PCDH15: variants seen among roughly 807,000 people sequenced by gnomAD.
PCDH15 encodes the protein protocadherin-15.
Under a neutral mutation model 178.5 loss-of-function variants are expected in PCDH15, and 129 were observed. The observed-to-expected ratio is 0.72, with a 90% CI of 0.63 to 0.84. PCDH15 has a LOEUF of 0.84. Ranked by LOEUF, PCDH15 falls within the 40% of genes least tolerant of loss-of-function variation. PCDH15 has a pLI of 0.00. For synonymous variants in PCDH15, 800 were observed against 732.0 expected (o/e 1.09, Z -1.50); for missense variants, 2,230 against 2,099.9 (o/e 1.06, Z -1.21).
intron 2 of PCDH15, among the ~76,000 whole-genome samples, chr10:55,333,790 T>A (rs1307034671): frequency 6.6e-6 from 1 of 151,648 alleles, no homozygotes; most frequent in Non-Finnish European, 1.5e-5. Flanking sequence ...TTTTTCTTAA[T>A]AAAAATTTCA....
chr10:54,902,933 G>A (rs1484221019), intron 2 of PCDH15, among the ~76,000 whole-genome samples: 1 of 152,104 alleles, frequency 6.6e-6, no homozygotes, highest in South Asian at 2.1e-4. Flanking sequence ...ATCTCCTCGG[G>A]TTACAGGTTT....
intron 18 of PCDH15, among the ~76,000 whole-genome samples, chr10:54,054,566 T>C (rs1193597822): frequency 6.6e-6 from 1 of 151,740 alleles, no homozygotes; most frequent in African/African-American, 2.4e-5. Flanking sequence ...TATTTACACA[T>C]ACACACACAC....
chr10:55,388,756 T>C lies in PCDH15; in HGVS notation c.-155-222105A>G, dbSNP rs530547746. Among the ~76,000 whole-genome samples the C allele has an allele frequency of 1.9e-3, 289 of 152,238 alleles. 1 individual carries two copies. The highest frequency in any genetic ancestry group is 3.4e-3 in the Admixed American group (52 of 15,250). ...AAATCCACATATACTGTGGTGCACT[T>C]AATTTTTATGGAATATCAACCAGTT... On this transcript the variant is annotated intron_variant, in intron 2 of 5. Transcript: ENST00000613346.
rs370558140 is a variant in PCDH15 at position 54,516,338 on chromosome 10, G to A, written c.157+11474C>T. On this transcript the variant is annotated intron_variant, in intron 3 of 37. Coordinates refer to ENST00000644397, the MANE Select transcript of PCDH15 (RefSeq NM_001384140.1). ...AAAAAATTAGATGAATGTATAACTA[G>A]AATAACAAATGCAGAGAAGTGCTTA... Among the ~76,000 whole-genome samples the A allele has an allele frequency of 2.0e-4, 30 of 152,170 alleles. No individual in the cohort carries two copies. In the South Asian group the frequency reaches 6.2e-3, roughly 32 times the overall value.
chr10:55,179,261 C>T (rs1839576695), intron 1 of PCDH15, among the ~76,000 whole-genome samples: 1 of 152,064 alleles, frequency 6.6e-6, no homozygotes, highest in South Asian at 2.1e-4. Flanking sequence ...CAGTCATTGT[C>T]CCTATCCTAA....
chr10:55,575,702 T>C (rs1404706846), intron 2 of PCDH15: 2 of 152,176 alleles, frequency 1.3e-5, no homozygotes, highest in African/African-American at 4.8e-5. Context: ...CAAGATGCTA[T>C]TGTCATTTTC....
chr10:54,673,398 T>C (rs971594254), intron 1 of PCDH15, among the ~76,000 whole-genome samples: 1 of 152,100 alleles, frequency 6.6e-6, no homozygotes, highest in Admixed American at 6.6e-5. Context: ...TCATTTTTAT[T>C]AGATATAGTT....
intron 2 of PCDH15, among the ~76,000 whole-genome samples, chr10:55,547,571 A>G (rs1358182494): frequency 1.3e-5 from 2 of 151,048 alleles, no homozygotes; most frequent in African/African-American, 2.5e-5. Context: ...TCAATTCTGT[A>G]TGGCTAAAGT....
At chr10:54,635,228 G>C (rs2093817220) in intron 2 of PCDH15, among the ~76,000 whole-genome samples, 1 of 150,782 alleles carries the variant, frequency 6.6e-6, no homozygotes, top group African/African-American at 2.4e-5. Context: ...TCTTGACTCA[G>C]TCAAGTCAAA....
Position 54,643,934 on chromosome 10 carries a change from C to G in PCDH15, c.91+20238G>C, listed in dbSNP as rs559915262. On this transcript the variant is annotated intron_variant, in intron 2 of 37. Coordinates refer to ENST00000644397, the MANE Select transcript of PCDH15 (RefSeq NM_001384140.1). ...CTGCACCCATTAACTCGTCACTTAGCATTAGGTATATCTCCTAATGCTAAC... is the reference window on the plus strand; with the variant it reads ...CTGCACCCATTAACTCGTCACTTAGGATTAGGTATATCTCCTAATGCTAAC... 6.7e-3 allele frequency among the ~76,000 whole-genome samples: 996 copies of G among 148,190 alleles called. 10 individuals are homozygous for G. Among genetic ancestry groups the G allele is most frequent in the African/African-American group, 0.022 (893 of 40,402 alleles).
rs1365902121 is a variant in PCDH15 at position 54,242,181 on chromosome 10, TATATATAC to T, written c.877-5258_877-5251del. Among the ~76,000 whole-genome samples the T allele has an allele frequency of 1.2e-3, 100 of 82,850 alleles. 2 individuals are homozygous for T. The highest frequency in any genetic ancestry group is 2.9e-3 in the African/African-American group (52 of 17,728). The allele number at this position is 82,850 out of a possible 152,430, so 54.4% of individuals were successfully genotyped here. A position where few individuals can be genotyped will look rare whatever the true frequency, so the allele number is the denominator to read the frequency against. On this transcript the variant is annotated intron_variant, in intron 8 of 37. Coordinates refer to ENST00000644397, the MANE Select transcript of PCDH15 (RefSeq NM_001384140.1). ...ATATATATATATATATATATATATA[TATATATAC>T]ACACACACACATACATACATACACA...
intron 32 of PCDH15, chr10:53,821,768 A>G (rs2076282355): frequency 6.3e-7 from 1 of 1,578,960 alleles, no homozygotes; most frequent in Non-Finnish European, 8.5e-7. Flanking sequence ...GGGTAAAATA[A>G]TAGAGTCTTC....
intron 13 of PCDH15, among the ~76,000 whole-genome samples, chr10:54,155,657 A>G (rs1287765159): frequency 6.6e-6 from 1 of 151,916 alleles, no homozygotes; most frequent in African/African-American, 2.4e-5. Flanking sequence ...TCCATGTAAG[A>G]TCCCGAAAAC....
At chr10:54,935,659 C>T (rs1225448812) in intron 2 of PCDH15, among the ~76,000 whole-genome samples, 18 of 152,202 alleles carry the variant, frequency 1.2e-4, no homozygotes, top group African/African-American at 4.3e-4. Flanking sequence ...TACTCACATA[C>T]TCAGTTCCTG....
rs1564972956 is a variant in PCDH15, at chr10:55,289,920, G to C, written c.-156+29679C>G. Among the ~76,000 whole-genome samples the C allele has an allele frequency of 1.9e-4, 28 of 150,344 alleles. 1 individual carries two copies. Among genetic ancestry groups the C allele is most frequent in the African/African-American group, 7.0e-4 (28 of 39,888 alleles). On this transcript the variant is annotated intron_variant, in intron 1 of 5. Transcript: ENST00000458638. ...TTCTTGAGAGTGGGTTGTAGTAAAA[G>C]CAAGCTGGCTGCCTCTGTGATTTCC...
chr10:54,251,967 C>G lies in PCDH15; in HGVS notation c.877-15036G>C, dbSNP rs199538177. On this transcript the variant is annotated intron_variant, in intron 8 of 37. Transcript: ENST00000644397. ...TAGTCAATCTTATTAAATATATGCTCCCCCCTGCCTTTTTATCTTCAGTGT... is the reference window on the plus strand; with the variant it reads ...TAGTCAATCTTATTAAATATATGCTGCCCCCTGCCTTTTTATCTTCAGTGT... Among the ~76,000 whole-genome samples the G allele has an allele frequency of 1.4e-4, 20 of 144,392 alleles. No individual in the cohort carries two copies. In the East Asian group the frequency reaches 3.0e-3, roughly 21 times the overall value. The allele number at this position is 144,392 out of a possible 152,430, so 94.7% of individuals were successfully genotyped here.
intron 2 of PCDH15, among the ~76,000 whole-genome samples, chr10:55,375,161 G>A (rs1265454697): frequency 6.6e-6 from 1 of 152,150 alleles, no homozygotes; most frequent in Non-Finnish European, 1.5e-5. Flanking sequence ...GTTTGCCACA[G>A]CAAGTACTAA....
intron 8 of PCDH15, among the ~76,000 whole-genome samples, chr10:54,244,537 A>T (rs2055728140): frequency 6.6e-6 from 1 of 152,246 alleles, no homozygotes; most frequent in African/African-American, 2.4e-5. Context: ...CTGAAGCATT[A>T]CTGCAATCAA....
upstream of PCDH15, chr10:55,319,696 G>C (rs889450310): frequency 1.3e-5 from 2 of 152,172 alleles, no homozygotes; most frequent in East Asian, 3.9e-4. Flanking sequence ...AGAACAACTC[G>C]CTCTGGCTAT....
Sources: gnomAD v4.1 joint callset for allele counts (sites outside exome capture counted in the v4.1 genomes callset) on GRCh38, gnomAD v4.1.1 for gene constraint, MANE v1.5 for transcripts, NCBI Gene and HGNC (gene_info 2026-07-23, HGNC 2026-07-21) for gene names.